TNRC6B: variants seen among roughly 807,000 people sequenced by gnomAD.
The protein encoded by TNRC6B is trinucleotide repeat containing adaptor 6B, also known as trinucleotide repeat-containing gene 6B protein.
In TNRC6B, 52 loss-of-function variants were observed where a neutral mutation model predicts 203.6. That is an observed-to-expected ratio of 0.26 (90% CI 0.20 to 0.32). The LOEUF (loss-of-function observed/expected upper bound fraction) is 0.32, where lower values mean the gene tolerates loss of function less well. Among genes scored for constraint, TNRC6B ranks in the 10% least tolerant of loss-of-function variants. The pLI is 1.00. For synonymous variants in TNRC6B, 838 were observed against 845.7 expected (o/e 0.99, Z 0.16); for missense variants, 1,923 against 2,286.2 (o/e 0.84, Z 3.24).
chr22:40,306,420 T>C (rs2071088378), intron 15 of TNRC6B, among the ~76,000 whole-genome samples: 1 of 152,250 alleles, frequency 6.6e-6, no homozygotes, highest in Non-Finnish European at 1.5e-5. Flanking sequence ...TAGTATTCTT[T>C]TTAATCTTTG....
chr22:40,249,565 G>A (rs2070155528), intron 2 of TNRC6B, among the ~76,000 whole-genome samples: 1 of 152,142 alleles, frequency 6.6e-6, no homozygotes. Context: ...CCAGCTTCTC[G>A]CCGTCTGGGG....
At chr22:40,077,781 G>GTA (rs916204697) in intron 1 of TNRC6B, among the ~76,000 whole-genome samples, 1 of 152,030 alleles carries the variant, frequency 6.6e-6, no homozygotes, top group Non-Finnish European at 1.5e-5. Flanking sequence ...GTGTGTGTGT[G>GTA]TATATACACA....
At chr22:40,230,177 G>T (rs1442820754) in intron 1 of TNRC6B, among the ~76,000 whole-genome samples, 3 of 142,712 alleles carry the variant, frequency 2.1e-5, no homozygotes, top group Non-Finnish European at 3.1e-5. Flanking sequence ...GCTTTAATTT[G>T]TTTTTTTCAT....
At chr22:40,227,358 C>CTTTTTTTTTT (rs71199278) in intron 1 of TNRC6B, among the ~76,000 whole-genome samples, 1 of 70,954 alleles carries the variant, frequency 1.4e-5, no homozygotes, top group Non-Finnish European at 2.7e-5. Flanking sequence ...CTGAAATTAC[C>CTTTTTTTTTT]TTTTTTTTTT....
intron 1 of TNRC6B, among the ~76,000 whole-genome samples, chr22:40,242,514 T>C (rs1177569432): frequency 6.6e-6 from 1 of 151,948 alleles, no homozygotes; most frequent in African/African-American, 2.4e-5. Flanking sequence ...CACCGCAACC[T>C]CCGCCTCCCA....
Position 40,297,528 on chromosome 22 carries a change from A to T in TNRC6B, c.3709-2927A>T, listed in dbSNP as rs559365305. Among the ~76,000 whole-genome samples, 84 of 152,308 alleles carry T rather than the reference A, an allele frequency of 5.5e-4. No homozygotes were observed. The South Asian group carries it at 6.2e-3, about 11-fold the overall frequency. On this transcript the variant is annotated intron_variant, in intron 12 of 22. Coordinates refer to ENST00000454349, the MANE Select transcript of TNRC6B (RefSeq NM_001162501.2). ...GGTCTTAAGCTCAAATTAAAAAATC[A>T]ATAAAAATTTAAAGGCCAGGCACGG...
At chr22:40,119,745 GTT>G (rs2068426220) in intron 2 of TNRC6B, among the ~76,000 whole-genome samples, 1 of 152,284 alleles carries the variant, frequency 6.6e-6, no homozygotes, top group Non-Finnish European at 1.5e-5. Context: ...TTGTGACTCT[GTT>G]AGCACTGATA....
Position 40,323,310 on chromosome 22 carries a change from G to C in TNRC6B, c.*69G>C. 1 of 1,293,180 alleles carries C rather than the reference G, an allele frequency of 7.7e-7. No homozygotes were observed. Among genetic ancestry groups the C allele is most frequent in the Non-Finnish European group, 1.0e-6 (1 of 979,852 alleles). 80.1% of individuals were successfully genotyped at this position (1,293,180 alleles called of 1,614,324 possible). A position where few individuals can be genotyped will look rare whatever the true frequency, so the allele number is the denominator to read the frequency against. ...GCAGCAGCACTAACTTGACCTTTTC[G>C]TTTTTTTTTTCAACTTGCAATAAAT... is the stretch of plus-strand genomic sequence containing the variant. On this transcript the variant is annotated 3_prime_UTR_variant, in exon 23 of 23. Transcript: ENST00000454349.
At chr22:40,156,019 C>A in intron 3 of TNRC6B, 1 of 1,086,266 alleles carries the variant, frequency 9.2e-7, no homozygotes, top group South Asian at 1.5e-5. Context: ...CACAGTGAAA[C>A]GGCCCTGTGG....
chr22:40,305,821 CCTTG>C (rs759551022), intron 15 of TNRC6B, among the ~76,000 whole-genome samples: 4 of 152,222 alleles, frequency 2.6e-5, no homozygotes, highest in East Asian at 1.9e-4. Flanking sequence ...TCTTGCCTTT[CCTTG>C]CTTGCTTACT....
At chr22:40,125,981 C>T in intron 3 of TNRC6B, 1 of 976,828 alleles carries the variant, frequency 1.0e-6, no homozygotes, top group South Asian at 2.0e-5. Flanking sequence ...TAAATTAGAA[C>T]CTAACATAAG....
At chr22:40,159,656 A>G (rs1377806652) in intron 4 of TNRC6B, among the ~76,000 whole-genome samples, 1 of 83,684 alleles carries the variant, frequency 1.2e-5, no homozygotes, top group African/African-American at 1.0e-4. Flanking sequence ...TAAAAAAAAA[A>G]TTTAAAAATT....
rs142692228 is a variant in TNRC6B, at chr22:40,145,182, G to C, written c.46-10933G>C. Among the ~76,000 whole-genome samples, 470 of 152,158 alleles carry C rather than the reference G, an allele frequency of 3.1e-3. 1 individual carries two copies. The highest frequency in any genetic ancestry group is 5.7e-3 in the Non-Finnish European group (388 of 68,010). On this transcript the variant is annotated intron_variant, in intron 3 of 23. Transcript: ENST00000301923. Reference sequence around the variant, plus strand: ...AATCACTTGAATTCGGGATGTCAAGGCTTCAGTGAGTCATAATTGTGCCGT... The same window carrying C: ...AATCACTTGAATTCGGGATGTCAAGCCTTCAGTGAGTCATAATTGTGCCGT...
rs745595698 is a variant in TNRC6B, at chr22:40,124,345, CAG to C, written c.-46-1426_-46-1425del. On this transcript the variant is annotated intron_variant, in intron 2 of 23. Transcript: ENST00000301923. ...CCTTTTTTTTTTTTTTTTTTTGAGA[CAG>C]GGTCTCACTCTGTTGCCAAGGCTGG... Among the ~76,000 whole-genome samples, 17 of 131,046 alleles carry C rather than the reference CAG, an allele frequency of 1.3e-4. 2 individuals carry two copies. The highest frequency in any genetic ancestry group is 1.0e-3 in the Admixed American group (13 of 12,442). The allele number at this position is 131,046 out of a possible 152,430, so 86.0% of individuals were successfully genotyped here.
Position 40,198,443 on chromosome 22 carries a change from A to G in TNRC6B, c.5+20303A>G, listed in dbSNP as rs1202919405. Among the ~76,000 whole-genome samples, 5 of 151,890 alleles carry G rather than the reference A, an allele frequency of 3.3e-5. No homozygotes were observed. The South Asian group carries it at 6.2e-4, about 19-fold the overall frequency. Reference sequence around the variant, plus strand: ...CTAGAGGCTATTAAGTGGGCTCAGCAAGGTGTTGGCCTGGCCAGGGGTATC... The same window carrying G: ...CTAGAGGCTATTAAGTGGGCTCAGCGAGGTGTTGGCCTGGCCAGGGGTATC... On this transcript the variant is annotated intron_variant, in intron 1 of 22. Transcript: ENST00000454349.
At chr22:40,154,826 G>A (rs2068797098) in intron 3 of TNRC6B, among the ~76,000 whole-genome samples, 1 of 95,192 alleles carries the variant, frequency 1.1e-5, no homozygotes, top group Admixed American at 1.4e-4. Context: ...GGGCAACAGA[G>A]CAAGACTCTA....
intron 3 of TNRC6B, among the ~76,000 whole-genome samples, chr22:40,146,409 T>C (rs1260091201): frequency 6.6e-6 from 1 of 151,686 alleles, no homozygotes; most frequent in Non-Finnish European, 1.5e-5. Context: ...CTGTCTTTTT[T>C]TTTGAGACGG....
At chr22:40,316,297 T>C (rs1245250850) in intron 21 of TNRC6B, among the ~76,000 whole-genome samples, 4 of 149,266 alleles carry the variant, frequency 2.7e-5, no homozygotes, top group Non-Finnish European at 5.9e-5. Context: ...GAGCTTGCAG[T>C]GAGCCAAGAT....
At chr22:40,278,133 G>A (rs2070672640) in intron 9 of TNRC6B, 89 bp downstream of exon 9, 1 of 991,940 alleles carries the variant, frequency 1.0e-6, no homozygotes, top group Non-Finnish European at 1.6e-6. Flanking sequence ...AGGGATAGGT[G>A]CAGTTCAGTA....
Sources: allele counts gnomAD v4.1 joint callset (sites outside exome capture counted in the v4.1 genomes callset), GRCh38; gene constraint gnomAD v4.1.1; transcripts MANE v1.5; gene names NCBI Gene and HGNC (gene_info 2026-07-23, HGNC 2026-07-21).